RELB: variants seen among roughly 807,000 people sequenced by gnomAD.
RELB encodes the protein transcription factor RelB.
In RELB, 14 loss-of-function variants were observed where a neutral mutation model predicts 55.4. The ratio of observed to expected loss-of-function variants is 0.25; its 90% CI spans 0.17 to 0.40. The LOEUF (loss-of-function observed/expected upper bound fraction) is 0.40, where lower values mean the gene tolerates loss of function less well. Among genes scored for constraint, RELB ranks in the 10% least tolerant of loss-of-function variants. RELB has a pLI of 1.00. For synonymous variants in RELB, 409 were observed against 371.3 expected (o/e 1.10, Z -1.17); for missense variants, 669 against 830.7 (o/e 0.81, Z 2.39).
rs774603376 is a variant in RELB, at chr19:45,034,358, G to A, written c.1276+46G>A. On this transcript the variant is annotated intron_variant, in intron 10 of 11. Coordinates refer to ENST00000221452, the MANE Select transcript of RELB (RefSeq NM_006509.4). ...TCCACCCCCATCCCCAGGTTCTGGGGAGGGGACAGCTGACCCCACTGCCCT... is the reference window on the plus strand; with the variant it reads ...TCCACCCCCATCCCCAGGTTCTGGGAAGGGGACAGCTGACCCCACTGCCCT... 1.0e-5 allele frequency: 16 copies of A among 1,606,834 alleles called. No homozygotes were observed. In the South Asian group the frequency reaches 1.4e-4, roughly 14 times the overall value.
Position 45,002,979 on chromosome 19 carries a change from C to T in RELB, c.137C>T (p.Ala46Val), listed in dbSNP as rs1971232838. The T allele has an allele frequency of 6.2e-7, 1 of 1,613,358 alleles. No homozygotes were observed. Among genetic ancestry groups the T allele is most frequent in the Non-Finnish European group, 8.5e-7 (1 of 1,179,748 alleles). Residue 46 changes from alanine to valine, a missense_variant, in exon 2 of 12, where the codon GCC becomes GTC. Ala to Val is a moderately conservative substitution (Grantham distance 64, BLOSUM62 0). Transcript: ENST00000221452. ...GSPDLSSLSL[A>V]VSRSTDELEI... The stretch of plus-strand genomic sequence containing the variant: ...CCCGACCTCTCCTCACTCTCGCTCG[C>T]CGTTTCCAGGAGCACAGGTGAGCAG...
intron 4 of RELB, among the ~76,000 whole-genome samples, chr19:45,020,060 T>A (rs1971464850): frequency 1.3e-5 from 2 of 151,924 alleles, no homozygotes; most frequent in African/African-American, 2.4e-5. Context: ...GCGCAGCCCT[T>A]CTCTCCTTTT....
chr19:45,016,274 C>G (rs540094775), intron 4 of RELB, among the ~76,000 whole-genome samples: 1 of 152,072 alleles, frequency 6.6e-6, no homozygotes, highest in Non-Finnish European at 1.5e-5. Context: ...CGTGAGCCAC[C>G]GTGCCTGGCC....
intron 4 of RELB, among the ~76,000 whole-genome samples, chr19:45,021,637 A>G (rs1298826505): frequency 7.5e-6 from 1 of 132,762 alleles, no homozygotes; most frequent in African/African-American, 2.9e-5. Flanking sequence ...TGCAGTGTCA[A>G]GAACTCGGCT....
rs34140968 is a variant in RELB, at chr19:45,005,899, C to T, written c.154+2903C>T. Among the ~76,000 whole-genome samples, 448 of 152,234 alleles carry T rather than the reference C, an allele frequency of 2.9e-3. 4 individuals carry two copies. Among genetic ancestry groups the T allele is most frequent in the African/African-American group, 9.8e-3 (409 of 41,552 alleles). Reference sequence around the variant, plus strand: ...GATTACAGGCATGAGCCACCGTGCCCGGCCAAGGCTGAGACTTTTCTGGTC... The same window carrying T: ...GATTACAGGCATGAGCCACCGTGCCTGGCCAAGGCTGAGACTTTTCTGGTC... On this transcript the variant is annotated intron_variant, in intron 2 of 11. Coordinates refer to ENST00000221452, the MANE Select transcript of RELB (RefSeq NM_006509.4).
intron 11 of RELB, 97 bp from the exon 12 acceptor site, chr19:45,037,308 G>T: frequency 2.6e-5 from 31 of 1,179,688 alleles, no homozygotes; most frequent in Non-Finnish European, 3.3e-5. Context: ...AGGCCACCTT[G>T]ATATCACATT....
intron 5 of RELB, among the ~76,000 whole-genome samples, chr19:45,024,416 C>G (rs1421186539): frequency 6.6e-6 from 1 of 152,172 alleles, no homozygotes; most frequent in Admixed American, 6.6e-5. Flanking sequence ...CCCGTATCGG[C>G]CTCCCAAAGT....
At chr19:45,029,017 T>G (rs562649796) in intron 8 of RELB, 25 bp downstream of exon 8, 2 of 1,535,334 alleles carry the variant, frequency 1.3e-6, no homozygotes, top group African/African-American at 2.7e-5. Flanking sequence ...GCAGCAAGCT[T>G]GGGCAGAGCG....
intron 4 of RELB, among the ~76,000 whole-genome samples, chr19:45,021,292 T>A (rs1345217381): frequency 1.3e-5 from 2 of 150,764 alleles, no homozygotes; most frequent in African/African-American, 4.9e-5. Flanking sequence ...GCGAACACGG[T>A]GAAACCCCAT....
chr19:45,014,508 AGTTTTTTTTTGTTTTTTG>A (rs1228386865), intron 4 of RELB, among the ~76,000 whole-genome samples: 1 of 126,574 alleles, frequency 7.9e-6, no homozygotes, highest in Admixed American at 8.3e-5. Context: ...TCTGGCTCAG[AGTTTTTTTTTGTTTTTTG>A]GTTTTTTTTT....
intron 11 of RELB, among the ~76,000 whole-genome samples, chr19:45,036,240 T>C (rs1253827178): frequency 6.6e-6 from 1 of 152,012 alleles, no homozygotes. Flanking sequence ...GCCCTGCTAA[T>C]TTTTGTATTT....
At position 45,034,481 on chromosome 19, in the gene RELB, A is replaced by T. The variant is rs1275788865; in HGVS notation, c.1307A>T (p.Lys436Met). Residue 436 changes from lysine to methionine, a missense_variant, in exon 11 of 12, where the codon AAG (lysine) becomes ATG (methionine). Transcript: ENST00000221452. ...CATGGCATCGAGAGCAAACGGCGGA[A>T]GAAAAAGCCGGCCATCCTGGACCAC... The part of the protein sequence containing the change: ...DPHGIESKRR[K>M]KKPAILDHFL... 5 of 1,611,258 alleles carry T rather than the reference A, an allele frequency of 3.1e-6. No homozygotes were observed. The highest frequency in any genetic ancestry group is 4.2e-6 in the Non-Finnish European group (5 of 1,178,690).
intron 8 of RELB, among the ~76,000 whole-genome samples, chr19:45,031,112 GA>G (rs1269095674): frequency 6.6e-6 from 1 of 152,082 alleles, no homozygotes; most frequent in Non-Finnish European, 1.5e-5. Context: ...AGTAAGACAA[GA>G]AAAATAAATA....
chr19:45,027,697 C>T (rs1971575049), intron 7 of RELB, among the ~76,000 whole-genome samples: 1 of 151,900 alleles, frequency 6.6e-6, no homozygotes, highest in African/African-American at 2.4e-5. Flanking sequence ...GGGGTGGTCC[C>T]TTGAGGGAAA....
chr19:45,019,289 C>T (rs1399654322), intron 4 of RELB, among the ~76,000 whole-genome samples: 1 of 152,086 alleles, frequency 6.6e-6, no homozygotes, highest in African/African-American at 2.4e-5. Flanking sequence ...TCTTGAACTC[C>T]TGTGCTGAAG....
chr19:45,015,305 C>T (rs941155346), intron 4 of RELB, among the ~76,000 whole-genome samples: 1 of 152,160 alleles, frequency 6.6e-6, no homozygotes, highest in Admixed American at 6.6e-5. Flanking sequence ...TTGTAATTAC[C>T]GCCATTTACT....
intron 11 of RELB, among the ~76,000 whole-genome samples, chr19:45,035,633 C>T (rs992485840): frequency 2.0e-5 from 3 of 152,118 alleles, no homozygotes; most frequent in African/African-American, 7.2e-5. Flanking sequence ...AGAGACCATC[C>T]TGGCCAACAT....
intron 4 of RELB, among the ~76,000 whole-genome samples, chr19:45,020,496 G>A (rs945376186): frequency 5.3e-5 from 8 of 150,800 alleles, no homozygotes; most frequent in Non-Finnish European, 8.8e-5. Context: ...TTACAGGCGT[G>A]AGCCACTGTG....
rs367810360 is a variant in RELB at position 45,034,310 on chromosome 19, C to T, written c.1274C>T (p.Ser425Phe). The T allele has an allele frequency of 8.7e-6, 14 of 1,613,652 alleles. No individual in the cohort carries two copies. In the African/African-American group the frequency reaches 1.2e-4, roughly 14 times the overall value. ...GACGTCCTTGGGGAGCTGAACAGCT[C>T]TGGTGTGTGCCCTCTGCCCCTTTCC... The part of the protein sequence containing the change: ...MPDVLGELNS[S>F]DPHGIESKRR... Residue 425 changes from serine (S) to phenylalanine (F), a missense_variant and splice_region_variant, in exon 10 of 12, where the codon TCT (serine) becomes TTT (phenylalanine). Ser to Phe is a radical substitution (Grantham distance 155). Coordinates refer to ENST00000221452, the MANE Select transcript of RELB (RefSeq NM_006509.4).
Sources: gnomAD v4.1 joint callset for allele counts (sites outside exome capture counted in the v4.1 genomes callset) on GRCh38, gnomAD v4.1.1 for gene constraint, MANE v1.5 for transcripts, NCBI Gene and HGNC (gene_info 2026-07-23, HGNC 2026-07-21) for gene names.